Variants in CELF4 observed in about 807,000 individuals in gnomAD.
CELF4 encodes CUG-BP- and ETR-3-like factor 4.
In CELF4, 18 loss-of-function variants were observed where a neutral mutation model predicts 59.9. The ratio of observed to expected loss-of-function variants is 0.30; its 90% CI spans 0.21 to 0.45. The LOEUF (loss-of-function observed/expected upper bound fraction) is 0.45, where lower values mean the gene tolerates loss of function less well. CELF4 is among the 20% of genes least tolerant of loss of function. The pLI is 1.00. For missense variants in CELF4, 456 were observed against 689.0 expected (o/e 0.66, Z 3.79); for synonymous variants, 261 against 267.1 (o/e 0.98, Z 0.22).
intron 1 of CELF4, among the ~76,000 whole-genome samples, chr18:37,548,939 T>C (rs1026909098): frequency 2.6e-5 from 4 of 152,162 alleles, no homozygotes; most frequent in Non-Finnish European, 5.9e-5. Context: ...CACCCCTGAA[T>C]GATCAGGGCC....
At chr18:37,448,047 C>T (rs2099753016) in intron 2 of CELF4, among the ~76,000 whole-genome samples, 1 of 152,188 alleles carries the variant, frequency 6.6e-6, no homozygotes, top group Non-Finnish European at 1.5e-5. Flanking sequence ...TACACGGTGG[C>T]ATTCAGTGAT....
chr18:37,283,718 G>A (rs1309460405), intron 3 of CELF4, among the ~76,000 whole-genome samples: 1 of 151,864 alleles, frequency 6.6e-6, no homozygotes, highest in Non-Finnish European at 1.5e-5. Context: ...CATACTGCGG[G>A]AACAGAGCAT....
At chr18:37,465,161 C>A (rs2099804532) in intron 2 of CELF4, among the ~76,000 whole-genome samples, 1 of 152,170 alleles carries the variant, frequency 6.6e-6, no homozygotes. Context: ...TGGAGGCCTG[C>A]AATCTTTATT....
At chr18:37,472,942 G>A (rs569312684) in intron 2 of CELF4, among the ~76,000 whole-genome samples, 10 of 152,048 alleles carry the variant, frequency 6.6e-5, no homozygotes, top group Admixed American at 2.0e-4. Context: ...ATCTTAACTC[G>A]CCCCCCAGAA....
intron 8 of CELF4, among the ~76,000 whole-genome samples, chr18:37,268,967 C>T (rs1266253827): frequency 6.6e-6 from 1 of 152,076 alleles, no homozygotes; most frequent in Non-Finnish European, 1.5e-5. Context: ...GGGGAAGAAA[C>T]ATTTCCAAAT....
At chr18:37,382,523 C>G (rs1350224415) in intron 2 of CELF4, among the ~76,000 whole-genome samples, 1 of 152,212 alleles carries the variant, frequency 6.6e-6, no homozygotes, top group African/African-American at 2.4e-5. Flanking sequence ...CCTGCTGGCC[C>G]ACTGCTTCCA....
chr18:37,370,984 TG>T (rs1327722848), intron 2 of CELF4, among the ~76,000 whole-genome samples: 1 of 152,232 alleles, frequency 6.6e-6, no homozygotes, highest in Non-Finnish European at 1.5e-5. Context: ...AGCCAAATGC[TG>T]CTGGAGCCTC....
At chr18:37,467,371 G>A (rs1369457662) in intron 2 of CELF4, among the ~76,000 whole-genome samples, 1 of 152,132 alleles carries the variant, frequency 6.6e-6, no homozygotes, top group Non-Finnish European at 1.5e-5. Flanking sequence ...TCTGGAACTC[G>A]GCCTTGACCA....
intron 2 of CELF4, among the ~76,000 whole-genome samples, chr18:37,451,496 A>G (rs1311497186): frequency 2.0e-5 from 3 of 151,776 alleles, no homozygotes; most frequent in African/African-American, 7.3e-5. Flanking sequence ...CATGTGTGTC[A>G]CTGCATGTTT....
intron 2 of CELF4, among the ~76,000 whole-genome samples, chr18:37,387,837 C>T (rs560212398): frequency 3.6e-4 from 55 of 152,316 alleles, no homozygotes; most frequent in Non-Finnish European, 3.1e-4. Flanking sequence ...CCAATCCTGG[C>T]GAAGGAGCCA....
chr18:37,553,676 G>T (rs929883635), intron 1 of CELF4, among the ~76,000 whole-genome samples: 3 of 152,186 alleles, frequency 2.0e-5, no homozygotes, highest in African/African-American at 7.2e-5. Flanking sequence ...TGTTTTGCTG[G>T]TGTCCCAGGC....
chr18:37,264,551 C>G (rs914746772), intron 10 of CELF4, 123 bp downstream of exon 10: 2 of 792,904 alleles, frequency 2.5e-6, no homozygotes, highest in Non-Finnish European at 4.2e-6. Flanking sequence ...CCTTGCCCAC[C>G]TCAACACAGC....
intron 7 of CELF4, among the ~76,000 whole-genome samples, chr18:37,271,309 C>T (rs2091166745): frequency 7.9e-6 from 1 of 126,034 alleles, no homozygotes; most frequent in South Asian, 2.6e-4. Context: ...TGCTGGAGTA[C>T]AGTGGTGCAA....
intron 1 of CELF4, among the ~76,000 whole-genome samples, chr18:37,558,226 T>C (rs2099985405): frequency 1.3e-5 from 2 of 151,998 alleles, no homozygotes; most frequent in Admixed American, 1.3e-4. Context: ...GCTTCCCACC[T>C]GGCTTCCTTC....
chr18:37,548,201 A>C (rs1481134390), intron 1 of CELF4, among the ~76,000 whole-genome samples: 4 of 152,160 alleles, frequency 2.6e-5, no homozygotes, highest in Non-Finnish European at 4.4e-5. Flanking sequence ...TAATTTAAGA[A>C]AACATTAGCC....
chr18:37,554,335 G>C (rs572034646), intron 1 of CELF4, among the ~76,000 whole-genome samples: 3 of 152,112 alleles, frequency 2.0e-5, no homozygotes, highest in South Asian at 4.2e-4. Flanking sequence ...ACTGTGCAGA[G>C]GCCAGCGGAC....
intron 12 of CELF4, among the ~76,000 whole-genome samples, chr18:37,250,361 G>A (rs78574529): frequency 3.9e-5 from 6 of 152,096 alleles, no homozygotes; most frequent in African/African-American, 1.4e-4. Context: ...TCAGGACCTT[G>A]CTTCATGGAA....
rs914010967 is a variant in CELF4, at chr18:37,245,463, G to C, written c.*45-266C>G. ...TTGTTGGGAGAAGGTTCTTGATTTGGGTTACTTTAGCATTCTGGATTGGGG... is the reference window on the plus strand; with the variant it reads ...TTGTTGGGAGAAGGTTCTTGATTTGCGTTACTTTAGCATTCTGGATTGGGG... On this transcript the variant is annotated intron_variant, in intron 12 of 12. Transcript: ENST00000420428. This position sits in a 1 kb window ranked among gnomAD's most constrained non-coding sequence, Gnocchi z 4.1. Among the ~76,000 whole-genome samples, 1 of 152,078 alleles carries C rather than the reference G, an allele frequency of 6.6e-6. No homozygotes were observed. The highest frequency in any genetic ancestry group is 6.6e-5 in the Admixed American group (1 of 15,264).
chr18:37,385,836 A>G (rs775281315), intron 2 of CELF4, among the ~76,000 whole-genome samples: 4 of 152,184 alleles, frequency 2.6e-5, no homozygotes, highest in Non-Finnish European at 5.9e-5. Context: ...TTCAATATGT[A>G]TTTATTGATT....
Sources: allele counts gnomAD v4.1 joint callset (sites outside exome capture counted in the v4.1 genomes callset), GRCh38; gene constraint gnomAD v4.1.1; non-coding constraint Gnocchi (gnomAD v3.1); transcripts MANE v1.5; gene names NCBI Gene and HGNC (gene_info 2026-07-23, HGNC 2026-07-21).